The following IL10RB variants were observed in gnomAD, a reference collection of about 807,000 sequenced individuals.
The protein encoded by IL10RB is interleukin-10 receptor subunit beta.
In IL10RB, 30 loss-of-function variants were observed where a neutral mutation model predicts 38.7. The observed-to-expected ratio is 0.78, with a 90% confidence interval of 0.58 to 1.05. The LOEUF (loss-of-function observed/expected upper bound fraction) is 1.05. IL10RB is among the 50% of genes least tolerant of loss of function. The pLI is 0.00. For missense variants in IL10RB, 328 were observed against 397.1 expected (o/e 0.83, Z 1.48); for synonymous variants, 142 against 145.9 (o/e 0.97, Z 0.19).
chr21:33,296,526 T>A lies in IL10RB; in HGVS notation c.*169T>A. The A allele has an allele frequency of 1.4e-6, 1 of 732,264 alleles. No individual in the cohort carries two copies. The highest frequency in any genetic ancestry group is 1.5e-5 in the South Asian group (1 of 67,670). The allele number at this position is 732,264 out of a possible 1,614,324, so 45.4% of individuals were successfully genotyped here. A position where few individuals can be genotyped will look rare whatever the true frequency, so the allele number is the denominator to read the frequency against. ...CACCAGAGAGCTACATTTTAAAGGC[T>A]GTCTTGGCAAAAATACTCCATTTGG... On this transcript the variant is annotated 3_prime_UTR_variant, in exon 7 of 7. Transcript: ENST00000290200.
At chr21:33,298,318 T>C (rs2082975914), downstream of IL10RB, among the ~76,000 whole-genome samples, 1 of 152,150 alleles carries the variant, frequency 6.6e-6, no homozygotes, top group African/African-American at 2.4e-5. Context: ...TGCATGTATA[T>C]AGAAATAAAA....
intron 4 of IL10RB, among the ~76,000 whole-genome samples, chr21:33,280,494 G>A (rs1989260727): frequency 6.6e-6 from 1 of 152,172 alleles, no homozygotes; most frequent in South Asian, 2.1e-4. Flanking sequence ...TACTTCGTAA[G>A]ATTGTTGGGG....
intron 6 of IL10RB, among the ~76,000 whole-genome samples, 186 bp from the exon 7 acceptor site, chr21:33,295,998 C>T (rs1221160784): frequency 4.0e-5 from 6 of 150,354 alleles, no homozygotes; most frequent in African/African-American, 7.3e-5. Flanking sequence ...GAGCTGAGAT[C>T]GTGCCACTGC....
chr21:33,280,417 C>T (rs1332667205), intron 4 of IL10RB, among the ~76,000 whole-genome samples: 1 of 152,106 alleles, frequency 6.6e-6, no homozygotes, highest in Non-Finnish European at 1.5e-5. Flanking sequence ...TTTCTTGACC[C>T]CAGCCTCCTC....
At chr21:33,288,003 G>C in intron 5 of IL10RB, 101 bp from the exon 6 acceptor site, 2 of 1,149,708 alleles carry the variant, frequency 1.7e-6, no homozygotes, top group Non-Finnish European at 2.6e-6. Context: ...CAAGATAAAC[G>C]TACAGGCTCT....
In IL10RB at chr21:33,302,853, C is replaced by T. The variant is rs968945421; in HGVS notation, c.130-6123C>T. 3.9e-5 allele frequency among the ~76,000 whole-genome samples: 6 copies of T among 152,282 alleles called. 1 individual carries two copies. The highest frequency in any genetic ancestry group is 2.6e-4 in the Admixed American group (4 of 15,296). On this transcript the variant is annotated intron_variant, in intron 1 of 1. Coordinates refer to the IL10RB transcript ENST00000609556. ...GAGGAGTCCGGCTCCTAGTTAGAAT[C>T]CCAGGGCTGGTTTTTCAGGACTGAC...
chr21:33,296,636 A>G lies in IL10RB; in HGVS notation c.*279A>G, dbSNP rs367791594. 1 of 567,958 alleles carries G rather than the reference A, an allele frequency of 1.8e-6. No homozygotes were observed. The highest frequency in any genetic ancestry group is 4.0e-5 in the East Asian group (1 of 24,966). 35.2% of individuals were successfully genotyped at this position (567,958 alleles called of 1,614,324 possible). A position where few individuals can be genotyped will look rare whatever the true frequency, so the allele number is the denominator to read the frequency against. On this transcript the variant is annotated 3_prime_UTR_variant, in exon 7 of 7. Coordinates refer to ENST00000290200, the MANE Select transcript of IL10RB (RefSeq NM_000628.5). ...AATTTTCAGCCTTTTATATCACTAA[A>G]ATAAGATCATGTTTTAATTGTGAGA...
chr21:33,296,841 G>A lies in IL10RB; in HGVS notation c.*484G>A, dbSNP rs942016190. 3.2e-5 allele frequency: 10 copies of A among 308,880 alleles called. No individual in the cohort carries two copies. Among genetic ancestry groups the A allele is most frequent in the Non-Finnish European group, 5.1e-5 (8 of 158,264 alleles). The allele number at this position is 308,880 out of a possible 1,614,324, so 19.1% of individuals were successfully genotyped here. ...CGCATGCCTATAATCCCAGCTACTC[G>A]AGTGCCTGAGGCAGGAGAATTGCAT... On this transcript the variant is annotated 3_prime_UTR_variant, in exon 7 of 7. Transcript: ENST00000290200.
downstream of IL10RB, among the ~76,000 whole-genome samples, chr21:33,297,871 G>A (rs923326810): frequency 6.6e-6 from 1 of 152,044 alleles, no homozygotes; most frequent in Non-Finnish European, 1.5e-5. Flanking sequence ...AGAAAAGGAA[G>A]GGTATTAGGG....
In IL10RB at chr21:33,276,680, C is replaced by G. The variant is rs1369730534; in HGVS notation, c.258C>G (p.Thr86=). 1 of 1,613,384 alleles carries G rather than the reference C, an allele frequency of 6.2e-7. No individual in the cohort carries two copies. Among genetic ancestry groups the G allele is most frequent in the Non-Finnish European group, 8.5e-7 (1 of 1,179,448 alleles). ...GTCTTTCCAAGTATGGTGACCACAC[C>G]TTGAGAGTCAGGGCTGAATTTGCAG... ...FSSLSKYGDH[T]LRVRAEFADE... The change falls in exon 3 of 7, where the codon ACC becomes ACG. Residue 86 remains threonine, a synonymous_variant. Coordinates refer to ENST00000290200, the MANE Select transcript of IL10RB (RefSeq NM_000628.5).
At chr21:33,294,310 G>A (rs1196997605) in intron 6 of IL10RB, among the ~76,000 whole-genome samples, 1 of 152,074 alleles carries the variant, frequency 6.6e-6, no homozygotes, top group Non-Finnish European at 1.5e-5. Context: ...TGGAGACTTT[G>A]AGTTAAAAAA....
intron 1 of IL10RB, among the ~76,000 whole-genome samples, chr21:33,303,543 C>T (rs761051501): frequency 6.6e-5 from 10 of 151,922 alleles, no homozygotes; most frequent in Admixed American, 2.6e-4. Flanking sequence ...TTAGTAGAGA[C>T]GGGGTTTCAC....
intron 5 of IL10RB, 94 bp downstream of exon 5, chr21:33,283,335 G>A (rs773863701): frequency 3.0e-6 from 4 of 1,315,128 alleles, no homozygotes; most frequent in South Asian, 2.4e-5. Flanking sequence ...TTCCAGCTCA[G>A]TTCAGAAATC....
rs570864082 is a variant in IL10RB, at chr21:33,288,627, C to T, written c.804+366C>T. Among the ~76,000 whole-genome samples, 83 of 152,182 alleles carry T rather than the reference C, an allele frequency of 5.5e-4. No individual in the cohort carries two copies. The Middle Eastern group carries it at 0.01, about 19-fold the overall frequency. On this transcript the variant is annotated intron_variant, in intron 6 of 6. Coordinates refer to ENST00000290200, the MANE Select transcript of IL10RB (RefSeq NM_000628.5). The stretch of plus-strand genomic sequence containing the variant: ...AGCTCAGTGTGGAAGAAAGAGAAAA[C>T]TGGAGGCTAAATGCCAGGAAATCAC...
chr21:33,282,560 A>G (rs1186333953), intron 4 of IL10RB, among the ~76,000 whole-genome samples: 3 of 151,902 alleles, frequency 2.0e-5, no homozygotes, highest in African/African-American at 7.3e-5. Flanking sequence ...TTAAAAGACC[A>G]GTTTATTTTA....
chr21:33,291,417 C>T (rs1316452743), intron 6 of IL10RB, among the ~76,000 whole-genome samples: 1 of 152,142 alleles, frequency 6.6e-6, no homozygotes, highest in African/African-American at 2.4e-5. Context: ...AGGTGCCCTC[C>T]ACCACGCCCG....
chr21:33,273,767 A>G (rs1316014368), intron 2 of IL10RB, among the ~76,000 whole-genome samples: 1 of 152,242 alleles, frequency 6.6e-6, no homozygotes, highest in East Asian at 1.9e-4. Context: ...AACAATGTTC[A>G]TAGCATCTTC....
chr21:33,292,516 C>A (rs1216560737), intron 6 of IL10RB, among the ~76,000 whole-genome samples: 2 of 152,130 alleles, frequency 1.3e-5, no homozygotes, highest in African/African-American at 4.8e-5. Flanking sequence ...CCAACATGCA[C>A]CCTCTGACCC....
chr21:33,286,943 A>G (rs1251640072), intron 5 of IL10RB, among the ~76,000 whole-genome samples: 2 of 152,136 alleles, frequency 1.3e-5, no homozygotes, highest in African/African-American at 4.8e-5. Flanking sequence ...AAAAAATTTT[A>G]AATCAGCTAA....
Sources: allele counts gnomAD v4.1 joint callset (sites outside exome capture counted in the v4.1 genomes callset), GRCh38; gene constraint gnomAD v4.1.1; transcripts MANE v1.5; gene names NCBI Gene and HGNC (gene_info 2026-07-23, HGNC 2026-07-21).